The following SASH3 variants were observed in gnomAD, a reference collection of about 807,000 sequenced individuals.
SASH3 encodes SAM and SH3 domain-containing protein 3.
SASH3 carries 7 observed loss-of-function variants against 26.1 expected under a neutral mutation model. That is an observed-to-expected ratio of 0.27 (90% CI 0.15 to 0.50). The LOEUF (loss-of-function observed/expected upper bound fraction) is 0.50. Among genes scored for constraint, SASH3 ranks in the 20% least tolerant of loss-of-function variants. SASH3 has a pLI of 0.98. For synonymous variants in SASH3, 138 were observed against 136.8 expected (o/e 1.01, Z -0.06); for missense variants, 231 against 318.3 (o/e 0.73, Z 2.09).
At position 129,788,034 on chromosome X, in the gene SASH3, C is replaced by T. The variant is rs1927139618; in HGVS notation, c.117C>T (p.Pro39=). The T allele has an allele frequency of 1.0e-5, 12 of 1,164,070 alleles. No individual in the cohort carries two copies. Among genetic ancestry groups the T allele is most frequent in the Non-Finnish European group, 1.4e-5 (12 of 869,284 alleles). ...KDFAKSKPSS[P]VVSEKEFNLD... ...TTGCCAAATCCAAACCCAGCTCCCC[C>T]GTGGTGAGCGAGAAGGAGTTTAATC... The change falls in exon 2 of 8, where the codon CCC becomes CCT. Residue 39 remains proline (P), a synonymous_variant. Transcript: ENST00000356892.
Position 129,788,017 on chromosome X carries a change from T to G in SASH3, c.100T>G (p.Ser34Ala). 8.3e-7 allele frequency: 1 copy of G among 1,205,473 alleles called. No individual in the cohort carries two copies. The highest frequency in any genetic ancestry group is 3.0e-5 in the East Asian group (1 of 33,497). ...CAGCAGCTTCAAGGATTTTGCCAAATCCAAACCCAGCTCCCCCGTGGTGAG... is the reference window on the plus strand; with the variant it reads ...CAGCAGCTTCAAGGATTTTGCCAAAGCCAAACCCAGCTCCCCCGTGGTGAG... Reference protein sequence around the residue: ...RSSSFKDFAKSKPSSPVVSEK... With the variant: ...RSSSFKDFAKAKPSSPVVSEK... Residue 34 changes from serine to alanine, a missense_variant, in exon 2 of 8, where the codon TCC becomes GCC. By Grantham distance (99) the Ser-to-Ala change is moderately conservative. Transcript: ENST00000356892.
intron 2 of SASH3, 26 bp downstream of exon 2, chrX:129,788,096 A>G (rs759171121): frequency 4.8e-6 from 2 of 412,760 alleles, no homozygotes; most frequent in Non-Finnish European, 7.9e-6. Context: ...TCCTTGTGGG[A>G]TCTGGCTGCA....
In SASH3 at chrX:129,794,083, G is replaced by A. The variant is rs193085970; in HGVS notation, c.*251G>A. The A allele has an allele frequency of 3.2e-4, 119 of 376,779 alleles. No individual in the cohort carries two copies. The highest frequency in any genetic ancestry group is 2.4e-3 in the African/African-American group (95 of 39,982). The allele number at this position is 376,779 out of a possible 1,213,427, so 31.1% of individuals were successfully genotyped here. A position where few individuals can be genotyped will look rare whatever the true frequency, so the allele number is the denominator to read the frequency against. ...CCCTCCACCAGCGACTGACAGCGCA[G>A]CCCCTCCTGGCACCAACTGCTCCCC... On this transcript the variant is annotated 3_prime_UTR_variant, in exon 8 of 8. Coordinates refer to ENST00000356892, the MANE Select transcript of SASH3 (RefSeq NM_018990.4).
rs1480881072 is a variant in SASH3 at position 129,793,765 on chromosome X, G to A, written c.1076G>A (p.Arg359His). The change falls in exon 8 of 8, where the codon CGC becomes CAC. Residue 359 changes from arginine to histidine, a missense_variant. Arg to His is a conservative substitution (Grantham distance 29). Coordinates refer to ENST00000356892, the MANE Select transcript of SASH3 (RefSeq NM_018990.4). ...SGCFEGSESG[R>H]DDAELAGTEE... ...TGCTTTGAGGGCTCGGAGAGCGGGCGCGATGACGCAGAGCTGGCAGGCACT... is the reference window on the plus strand; with the variant it reads ...TGCTTTGAGGGCTCGGAGAGCGGGCACGATGACGCAGAGCTGGCAGGCACT... The A allele has an allele frequency of 8.3e-7, 1 of 1,207,758 alleles. No individual in the cohort carries two copies. Among genetic ancestry groups the A allele is most frequent in the Non-Finnish European group, 1.1e-6 (1 of 893,909 alleles).
chrX:129,783,531 T>C (rs1288268276), intron 1 of SASH3, among the ~76,000 whole-genome samples: 1 of 112,189 alleles, frequency 8.9e-6, no homozygotes, highest in Non-Finnish European at 1.9e-5. Context: ...GGCTTGCTCT[T>C]CCTAAGACCA....
intron 3 of SASH3, among the ~76,000 whole-genome samples, chrX:129,789,170 A>AGAAAGAAAGAAAGAAAG (rs10683625): frequency 1.7e-4 from 8 of 48,279 alleles, no homozygotes; most frequent in African/African-American, 1.0e-3. Flanking sequence ...AGAAAGAGAA[A>AGAAAGAAAGAAAGAAAG]AAAAAAAAAA....
chrX:129,793,525 A>G lies in SASH3; in HGVS notation c.953-117A>G, dbSNP rs1927270381. ...TCCTACCAGCTTCTAAGCTGGAAGC[A>G]GTGAGGAGAGGGGCAGGGCGGTGGC... On this transcript the variant is annotated intron_variant, in intron 7 of 7. Coordinates refer to ENST00000356892, the MANE Select transcript of SASH3 (RefSeq NM_018990.4). 3 of 763,972 alleles carry G rather than the reference A, an allele frequency of 3.9e-6. No homozygotes were observed. In the African/African-American group the frequency reaches 6.3e-5, roughly 16 times the overall value. The allele number at this position is 763,972 out of a possible 1,213,427, so 63.0% of individuals were successfully genotyped here. A position where few individuals can be genotyped will look rare whatever the true frequency, so the allele number is the denominator to read the frequency against.
At chrX:129,788,738 G>A (rs1262620594) in intron 3 of SASH3, among the ~76,000 whole-genome samples, 161 bp downstream of exon 3, 1 of 111,778 alleles carries the variant, frequency 8.9e-6, no homozygotes, top group Non-Finnish European at 1.9e-5. Context: ...TTGCAGCCAC[G>A]GACAGGCAGC....
intron 4 of SASH3, 37 bp from the exon 5 acceptor site, chrX:129,792,291 A>T: frequency 8.5e-7 from 1 of 1,180,563 alleles, no homozygotes; most frequent in Non-Finnish European, 1.1e-6. Flanking sequence ...CTGTTCTAGG[A>T]CAAAGGTGAG....
At chrX:129,785,815 G>C (rs1927097999) in intron 1 of SASH3, among the ~76,000 whole-genome samples, 1 of 111,982 alleles carries the variant, frequency 8.9e-6, no homozygotes, top group Non-Finnish European at 1.9e-5. Flanking sequence ...GGCCCCATCG[G>C]CCTATAAATA....
intron 6 of SASH3, 50 bp from the exon 7 acceptor site, chrX:129,792,939 G>A (rs1340096548): frequency 8.3e-7 from 1 of 1,207,359 alleles, no homozygotes. Context: ...GAGGACCTAG[G>A]CAGGGGTGGC....
chrX:129,788,614 G>A, intron 3 of SASH3, 37 bp downstream of exon 3: 1 of 1,184,612 alleles, frequency 8.4e-7, no homozygotes, highest in Non-Finnish European at 1.1e-6. Flanking sequence ...GGTGTCCAGG[G>A]GGCCTGGGGA....
chrX:129,794,093 G>A lies in SASH3; in HGVS notation c.*261G>A, dbSNP rs1372275521. 2.7e-6 allele frequency: 1 copy of A among 367,758 alleles called. No homozygotes were observed. Among genetic ancestry groups the A allele is most frequent in the Admixed American group, 4.5e-5 (1 of 22,438 alleles). 30.3% of individuals were successfully genotyped at this position (367,758 alleles called of 1,213,427 possible). A position where few individuals can be genotyped will look rare whatever the true frequency, so the allele number is the denominator to read the frequency against. On this transcript the variant is annotated 3_prime_UTR_variant, in exon 8 of 8. Coordinates refer to ENST00000356892, the MANE Select transcript of SASH3 (RefSeq NM_018990.4). ...GCGACTGACAGCGCAGCCCCTCCTG[G>A]CACCAACTGCTCCCCTGCCATGGCC...
chrX:129,781,749 C>T (rs1168675590), intron 1 of SASH3, among the ~76,000 whole-genome samples: 1 of 112,376 alleles, frequency 8.9e-6, no homozygotes, highest in East Asian at 2.8e-4. Context: ...CTGGGATTTC[C>T]CCAGGTCTCT....
chrX:129,782,928 GCCCTTTGATCTGATTTCA>G (rs1323790522), intron 1 of SASH3, among the ~76,000 whole-genome samples: 1 of 111,722 alleles, frequency 9.0e-6, no homozygotes, highest in East Asian at 2.8e-4. Flanking sequence ...TGCTCTGCAA[GCCCTTTGATCTGATTTCA>G]CCCAAAGGCC....
In SASH3 at chrX:129,793,815, C is replaced by G. The variant is rs780790088; in HGVS notation, c.1126C>G (p.Leu376Val). ...GTEEQLQGLSLAGAP is the reference protein window; with the variant it reads ...GTEEQLQGLSVAGAP ...TGAGGAGCAGCTGCAAGGCCTCTCC[C>G]TGGCCGGGGCACCTTGAGGTGGCGG... The change falls in exon 8 of 8, where the codon CTG becomes GTG. Residue 376 changes from leucine (L) to valine (V), a missense_variant. Leu to Val is a conservative substitution (Grantham distance 32). Coordinates refer to ENST00000356892, the MANE Select transcript of SASH3 (RefSeq NM_018990.4). 3.5e-5 allele frequency: 41 copies of G among 1,186,531 alleles called. No individual in the cohort carries two copies. Among genetic ancestry groups the G allele is most frequent in the African/African-American group, 1.8e-5 (1 of 57,092 alleles).
At chrX:129,792,088 C>A (rs1004686234) in intron 4 of SASH3, among the ~76,000 whole-genome samples, 7 of 112,023 alleles carry the variant, frequency 6.2e-5, no homozygotes, top group Non-Finnish European at 1.1e-4. Flanking sequence ...TGAGCCATTT[C>A]TCCTCCCATT....
In SASH3 at chrX:129,779,972, G is replaced by A; in HGVS notation, c.-126G>A. 1.6e-6 allele frequency: 1 copy of A among 624,523 alleles called. No homozygotes were observed. Among genetic ancestry groups the A allele is most frequent in the Non-Finnish European group, 2.5e-6 (1 of 394,099 alleles). 51.5% of individuals were successfully genotyped at this position (624,523 alleles called of 1,213,427 possible). ...GCACCCCCAAGCTGCCACTGCAGCAGTCAGAGTGGCAGCTGAAGGCTCGGT... is the reference window on the plus strand; with the variant it reads ...GCACCCCCAAGCTGCCACTGCAGCAATCAGAGTGGCAGCTGAAGGCTCGGT... On this transcript the variant is annotated 5_prime_UTR_variant, in exon 1 of 8. Transcript: ENST00000356892.
chrX:129,791,670 A>G (rs1220132452), intron 4 of SASH3, among the ~76,000 whole-genome samples: 1 of 111,902 alleles, frequency 8.9e-6, no homozygotes, highest in African/African-American at 3.2e-5. Flanking sequence ...AGCCCCATTC[A>G]GCACCGCCTT....
Sources: allele counts gnomAD v4.1 joint callset (sites outside exome capture counted in the v4.1 genomes callset), GRCh38; gene constraint gnomAD v4.1.1; transcripts MANE v1.5; gene names NCBI Gene and HGNC (gene_info 2026-07-23, HGNC 2026-07-21).